The following RARB variants were observed in gnomAD, a reference collection of about 807,000 sequenced individuals.
RARB encodes the protein retinoic acid receptor beta.
In RARB, 17 loss-of-function variants were observed where a neutral mutation model predicts 51.9. The observed-to-expected ratio is 0.33, with a 90% CI of 0.22 to 0.49. RARB has a LOEUF of 0.49. Among genes scored for constraint, RARB ranks in the 20% least tolerant of loss-of-function variants. RARB has a pLI of 0.99. For synonymous variants in RARB, 215 were observed against 195.4 expected, an observed-to-expected ratio of 1.10 and a Z score of -0.84; for missense variants, 369 against 550.8, an observed-to-expected ratio of 0.67 and a Z score of 3.30.
intron 3 of RARB, among the ~76,000 whole-genome samples, chr3:25,540,563 T>G (rs901562466): frequency 6.6e-6 from 1 of 152,230 alleles, no homozygotes; most frequent in African/African-American, 2.4e-5. Context: ...TTGTGACCTC[T>G]GTTTCCCTGG....
chr3:25,250,203 G>T (rs1300281014), intron 5 of RARB, among the ~76,000 whole-genome samples: 4 of 152,190 alleles, frequency 2.6e-5, no homozygotes, highest in African/African-American at 4.8e-5. Context: ...TCAGGCCCCT[G>T]TGAGGGATGC....
chr3:25,115,979 C>G (rs1390148520), intron 3 of RARB, among the ~76,000 whole-genome samples: 1 of 152,056 alleles, frequency 6.6e-6, no homozygotes, highest in Non-Finnish European at 1.5e-5. Flanking sequence ...TAAGAAGAAT[C>G]CTGAGAATTC....
chr3:25,537,172 G>A (rs1032233524), intron 3 of RARB, among the ~76,000 whole-genome samples: 2 of 152,258 alleles, frequency 1.3e-5, no homozygotes, highest in South Asian at 2.1e-4. Context: ...TGAAAGAGGG[G>A]TTTGGCTTAG....
At chr3:24,861,561 A>G (rs980129580) in intron 2 of RARB, among the ~76,000 whole-genome samples, 5 of 151,390 alleles carry the variant, frequency 3.3e-5, no homozygotes, top group African/African-American at 9.7e-5. Flanking sequence ...TTAAAATAAT[A>G]AACTTATCCT....
chr3:24,992,761 A>C (rs946650064), intron 2 of RARB, among the ~76,000 whole-genome samples: 3 of 152,106 alleles, frequency 2.0e-5, no homozygotes, highest in African/African-American at 7.2e-5. Flanking sequence ...AGTCAGATCC[A>C]TTAGCGATCA....
chr3:25,065,332 G>A (rs372768405), intron 3 of RARB, among the ~76,000 whole-genome samples: 15 of 152,150 alleles, frequency 9.9e-5, no homozygotes, highest in South Asian at 4.1e-4. Context: ...TAAAAAACTC[G>A]TTATCAGGTT....
intron 4 of RARB, among the ~76,000 whole-genome samples, chr3:25,152,298 A>T (rs939364543): frequency 1.3e-5 from 2 of 152,198 alleles, no homozygotes; most frequent in Non-Finnish European, 2.9e-5. Context: ...CTTGGCTAAA[A>T]ATTTTACCCT....
chr3:25,279,410 G>A (rs1703469503), intron 5 of RARB, among the ~76,000 whole-genome samples: 1 of 152,160 alleles, frequency 6.6e-6, no homozygotes, highest in Admixed American at 6.6e-5. Context: ...TGAGATAATT[G>A]TGTTTCTTTA....
chr3:24,881,131 C>T (rs1011384450), intron 2 of RARB, among the ~76,000 whole-genome samples: 9 of 152,158 alleles, frequency 5.9e-5, no homozygotes, highest in African/African-American at 2.2e-4. Context: ...CTCCTTTGTT[C>T]CCTTTCTCTC....
intron 1 of RARB, among the ~76,000 whole-genome samples, chr3:24,856,550 C>T (rs576064160): frequency 2.0e-5 from 3 of 152,292 alleles, no homozygotes; most frequent in East Asian, 1.9e-4. Flanking sequence ...TGACTTATGT[C>T]GTTATGCTTT....
intron 3 of RARB, among the ~76,000 whole-genome samples, chr3:25,066,869 T>C (rs1193616221): frequency 6.6e-6 from 1 of 152,216 alleles, no homozygotes; most frequent in Non-Finnish European, 1.5e-5. Context: ...CTCCTGTATC[T>C]TGGCTCACCG....
chr3:25,445,057 C>A (rs893564221), intron 1 of RARB, among the ~76,000 whole-genome samples: 1 of 152,076 alleles, frequency 6.6e-6, no homozygotes, highest in Non-Finnish European at 1.5e-5. Context: ...TCAAGTGATT[C>A]TCCTGTCTCA....
chr3:25,212,428 G>A, intron 5 of RARB, among the ~76,000 whole-genome samples: 2 of 152,286 alleles, frequency 1.3e-5, no homozygotes, highest in East Asian at 1.9e-4. Flanking sequence ...GACCAGCCTG[G>A]CCAACACAGT....
chr3:25,095,255 T>C (rs541693140), intron 3 of RARB, among the ~76,000 whole-genome samples: 1 of 152,224 alleles, frequency 6.6e-6, no homozygotes, highest in Non-Finnish European at 1.5e-5. Context: ...GATACTGATA[T>C]GCAGCAGAAT....
intron 5 of RARB, among the ~76,000 whole-genome samples, chr3:25,199,346 G>A (rs962228712): frequency 6.6e-6 from 1 of 151,696 alleles, no homozygotes; most frequent in African/African-American, 2.4e-5. Context: ...ATGGTTATTG[G>A]GTATAAAAAT....
intron 5 of RARB, among the ~76,000 whole-genome samples, chr3:25,286,436 C>T (rs140616853): frequency 4.6e-5 from 7 of 152,252 alleles, no homozygotes; most frequent in African/African-American, 1.4e-4. Flanking sequence ...TATTTTCCTT[C>T]CCTCTCTACT....
At chr3:25,437,549 G>C (rs374290462) in intron 1 of RARB, among the ~76,000 whole-genome samples, 1 of 152,032 alleles carries the variant, frequency 6.6e-6, no homozygotes, top group Non-Finnish European at 1.5e-5. Context: ...GACACAAGTC[G>C]TTGTCACATA....
intron 5 of RARB, among the ~76,000 whole-genome samples, chr3:25,408,974 C>T (rs940039061): frequency 6.6e-6 from 1 of 152,126 alleles, no homozygotes; most frequent in Admixed American, 6.5e-5. Flanking sequence ...GAGGAGGTTG[C>T]AGTGAGCCGA....
At chr3:25,334,019 C>G (rs1303214229) in intron 5 of RARB, among the ~76,000 whole-genome samples, 4 of 152,166 alleles carry the variant, frequency 2.6e-5, no homozygotes, top group Admixed American at 2.6e-4. Context: ...ATTAAAAAGT[C>G]AGGGAACAAC....
Sources: gnomAD v4.1 joint callset for allele counts (sites outside exome capture counted in the v4.1 genomes callset) on GRCh38, gnomAD v4.1.1 for gene constraint, MANE v1.5 for transcripts, NCBI Gene and HGNC (gene_info 2026-07-23, HGNC 2026-07-21) for gene names.